PTBP3: variants seen among roughly 807,000 people sequenced by gnomAD.
PTBP3 encodes the protein polypyrimidine tract binding protein 3, also known as polypyrimidine tract-binding protein 3.
A neutral mutation model predicts 58.7 loss-of-function variants in PTBP3; 20 were observed. That is an observed-to-expected ratio of 0.34 (90% CI 0.24 to 0.50). The LOEUF (loss-of-function observed/expected upper bound fraction) is 0.50, where lower values mean the gene tolerates loss of function less well. Among genes scored for constraint, PTBP3 ranks in the 20% least tolerant of loss-of-function variants. PTBP3 has a pLI of 0.98. For missense variants in PTBP3, 509 were observed against 637.2 expected (o/e 0.80, Z 2.17); for synonymous variants, 185 against 219.8 (o/e 0.84, Z 1.40).
chr9:112,296,486 G>A (rs1333189371), intron 2 of PTBP3, among the ~76,000 whole-genome samples: 1 of 151,766 alleles, frequency 6.6e-6, no homozygotes, highest in Non-Finnish European at 1.5e-5. Context: ...TGTTCCCATG[G>A]TCCCAAACAC....
chr9:112,356,230 C>T, the PTBP3 span, among the ~76,000 whole-genome samples: 2 of 152,190 alleles, frequency 1.3e-5, no homozygotes, highest in African/African-American at 2.4e-5. Context: ...CCACCCGCCT[C>T]GGCGTCCCAA....
chr9:112,379,818 G>C, the PTBP3 span: 12 of 470,756 alleles, frequency 2.5e-5, no homozygotes, highest in Non-Finnish European at 4.2e-5. Context: ...AAAGGTGGAC[G>C]TAGCGGCTGA....
rs1280576769 is a variant in PTBP3 at position 112,222,390 on chromosome 9, G to T, written c.*1461C>A. On this transcript the variant is annotated 3_prime_UTR_variant, in exon 14 of 14. Coordinates refer to ENST00000374257, the MANE Select transcript of PTBP3 (RefSeq NM_001163788.4). ...TCCAAATACGTGGGTACTCAGTAAT[G>T]AAAGTCACATTAACAAAGAAAAGCA... The T allele has an allele frequency of 3.0e-6, 3 of 985,544 alleles. No homozygotes were observed. Among genetic ancestry groups the T allele is most frequent in the African/African-American group, 1.7e-5 (1 of 57,224 alleles). 61.0% of individuals were successfully genotyped at this position (985,544 alleles called of 1,614,324 possible). A position where few individuals can be genotyped will look rare whatever the true frequency, so the allele number is the denominator to read the frequency against.
the PTBP3 span, among the ~76,000 whole-genome samples, chr9:112,349,732 G>A: frequency 6.6e-6 from 1 of 151,684 alleles, no homozygotes; most frequent in African/African-American, 2.4e-5. Context: ...GGTGGCAGGC[G>A]GGGCGCCTGT....
the PTBP3 span, among the ~76,000 whole-genome samples, chr9:112,376,211 G>A: frequency 5.5e-4 from 10 of 18,122 alleles, 1 homozygote; most frequent in South Asian, 4.1e-3. Flanking sequence ...GTGTGTGTGT[G>A]TGTGTGTGTG....
the PTBP3 span, among the ~76,000 whole-genome samples, chr9:112,340,495 A>C: frequency 6.6e-6 from 1 of 152,128 alleles, no homozygotes; most frequent in Non-Finnish European, 1.5e-5. Context: ...CGTGTTTTTA[A>C]ATAACATAAT....
chr9:112,330,127 T>C (rs1238868637), intron 1 of PTBP3, among the ~76,000 whole-genome samples: 1 of 152,160 alleles, frequency 6.6e-6, no homozygotes, highest in Non-Finnish European at 1.5e-5. Context: ...CTGCTGGGAT[T>C]ACAGGTGTGA....
the PTBP3 span, among the ~76,000 whole-genome samples, chr9:112,363,355 G>A: frequency 6.6e-6 from 1 of 151,884 alleles, no homozygotes; most frequent in Admixed American, 6.6e-5. Flanking sequence ...GCCCAGCCTG[G>A]GCAACATGGT....
chr9:112,332,508 A>T (rs907316522), intron 1 of PTBP3, among the ~76,000 whole-genome samples: 3 of 152,210 alleles, frequency 2.0e-5, no homozygotes, highest in Non-Finnish European at 2.9e-5. Flanking sequence ...AAGCTAAAAA[A>T]AACCTCAAAT....
intron 2 of PTBP3, among the ~76,000 whole-genome samples, chr9:112,284,986 G>T (rs2132251895): frequency 6.6e-6 from 1 of 152,088 alleles, no homozygotes; most frequent in East Asian, 1.9e-4. Flanking sequence ...AAGACTTTGG[G>T]GGATTGTTGG....
intron 1 of PTBP3, among the ~76,000 whole-genome samples, chr9:112,312,497 T>TTTG (rs1463898774): frequency 7.5e-5 from 11 of 146,524 alleles, no homozygotes; most frequent in Non-Finnish European, 7.5e-5. Context: ...TGTTTTTTTT[T>TTTG]TTTAAAAAAA....
the PTBP3 span, among the ~76,000 whole-genome samples, chr9:112,360,371 A>C: frequency 6.6e-6 from 1 of 152,058 alleles, no homozygotes; most frequent in Non-Finnish European, 1.5e-5. Flanking sequence ...TTTTTTTTGT[A>C]GAATCAGGGT....
At chr9:112,225,375 C>T (rs1397998117) in intron 12 of PTBP3, among the ~76,000 whole-genome samples, 1 of 152,072 alleles carries the variant, frequency 6.6e-6, no homozygotes, top group African/African-American at 2.4e-5. Flanking sequence ...CCAACAACAA[C>T]ATAGAATAGT....
At chr9:112,325,521 G>C (rs1387672531) in intron 1 of PTBP3, among the ~76,000 whole-genome samples, 1 of 150,116 alleles carries the variant, frequency 6.7e-6, no homozygotes, top group East Asian at 2.0e-4. Context: ...CTGGTTGTGA[G>C]ACAAGAACCT....
chr9:112,218,725 GC>G lies in PTBP3; in HGVS notation c.*5125del, dbSNP rs1291612852. ...ACTGTTACAAATGAAAGCTGGTACT[GC>G]TGCTTATCCAAAATATACAAGACAA... On this transcript the variant is annotated 3_prime_UTR_variant, in exon 14 of 14. Coordinates refer to ENST00000374257, the MANE Select transcript of PTBP3 (RefSeq NM_001163788.4). 6.6e-6 allele frequency: 1 copy of G among 152,466 alleles called. No homozygotes were observed. Among genetic ancestry groups the G allele is most frequent in the Non-Finnish European group, 1.5e-5 (1 of 68,022 alleles). 9.4% of individuals were successfully genotyped at this position (152,466 alleles called of 1,614,324 possible).
chr9:112,358,524 C>T, the PTBP3 span, among the ~76,000 whole-genome samples: 1 of 152,328 alleles, frequency 6.6e-6, no homozygotes, highest in South Asian at 2.1e-4. Flanking sequence ...TGTATATCCT[C>T]TGAGCAAACA....
At chr9:112,330,934 C>T (rs1195650418) in intron 1 of PTBP3, among the ~76,000 whole-genome samples, 1 of 152,078 alleles carries the variant, frequency 6.6e-6, no homozygotes, top group Non-Finnish European at 1.5e-5. Flanking sequence ...AAATTGCTCA[C>T]CAAAATATAG....
intron 1 of PTBP3, among the ~76,000 whole-genome samples, chr9:112,307,627 A>G (rs545693484): frequency 1.3e-5 from 2 of 152,336 alleles, no homozygotes; most frequent in Admixed American, 1.3e-4. Context: ...CAAAGAGAAC[A>G]AAAGAAACTT....
intron 7 of PTBP3, among the ~76,000 whole-genome samples, chr9:112,236,147 G>T (rs966189636): frequency 1.3e-5 from 2 of 151,678 alleles, no homozygotes; most frequent in Non-Finnish European, 2.9e-5. Flanking sequence ...TCATTAAAAA[G>T]AATTATTTAA....
Sources: allele counts gnomAD v4.1 joint callset (sites outside exome capture counted in the v4.1 genomes callset), GRCh38; gene constraint gnomAD v4.1.1; transcripts MANE v1.5; gene names NCBI Gene and HGNC (gene_info 2026-07-23, HGNC 2026-07-21).